The following NPSR1 variants were observed in gnomAD, a reference collection of about 807,000 sequenced individuals.
The protein encoded by NPSR1 is neuropeptide S receptor 1.
NPSR1 carries 48 observed loss-of-function variants against 46.9 expected under a neutral mutation model. The ratio of observed to expected loss-of-function variants is 1.02; its 90% CI spans 0.81 to 1.30. The LOEUF is 1.30. Among genes scored for constraint, NPSR1 ranks in the 50% most tolerant of loss-of-function variants. NPSR1 has a pLI of 0.00. For missense variants in NPSR1, 450 were observed against 449.5 expected, an observed-to-expected ratio of 1.00 and a Z score of -0.01; for synonymous variants, 176 against 168.1, an observed-to-expected ratio of 1.05 and a Z score of -0.36.
chr7:34,778,709 G>A, intron 3 of NPSR1, 144 bp downstream of exon 3: 1 of 536,182 alleles, frequency 1.9e-6, no homozygotes. Context: ...ATGAAAATTT[G>A]ATTTTTAATG....
intron 8 of NPSR1, among the ~76,000 whole-genome samples, chr7:34,874,452 TA>T (rs1412396763): frequency 3.3e-5 from 5 of 151,780 alleles, no homozygotes; most frequent in African/African-American, 7.3e-5. Flanking sequence ...CCGGTTAAAA[TA>T]AAAAAAGGAG....
chr7:34,865,233 C>T (rs186364087), intron 8 of NPSR1, among the ~76,000 whole-genome samples: 4 of 151,956 alleles, frequency 2.6e-5, no homozygotes, highest in South Asian at 2.1e-4. Flanking sequence ...TGCTCAGCTA[C>T]GGAATGTTTG....
intron 3 of NPSR1, among the ~76,000 whole-genome samples, chr7:34,805,594 A>G (rs945705411): frequency 6.6e-6 from 1 of 151,836 alleles, no homozygotes; most frequent in Non-Finnish European, 1.5e-5. Flanking sequence ...AAACGACTAG[A>G]AGATAACATA....
At chr7:34,876,569 C>T (rs1791579782) in intron 8 of NPSR1, among the ~76,000 whole-genome samples, 2 of 152,194 alleles carry the variant, frequency 1.3e-5, no homozygotes, top group African/African-American at 4.8e-5. Context: ...TTCATCTCAA[C>T]ATATTAGAGG....
chr7:34,728,566 C>T (rs1030772577), intron 2 of NPSR1, among the ~76,000 whole-genome samples: 1 of 152,216 alleles, frequency 6.6e-6, no homozygotes, highest in East Asian at 1.9e-4. Context: ...GGAGAAAATT[C>T]TCCCCCTCCT....
At chr7:34,717,799 G>A (rs962585853) in intron 2 of NPSR1, among the ~76,000 whole-genome samples, 1 of 152,174 alleles carries the variant, frequency 6.6e-6, no homozygotes, top group Non-Finnish European at 1.5e-5. Context: ...AATTCAGCAG[G>A]CCTGAGCTCC....
chr7:34,804,030 C>G lies in NPSR1; in HGVS notation c.385-7740C>G, dbSNP rs796712548. On this transcript the variant is annotated intron_variant, in intron 3 of 8. Coordinates refer to ENST00000360581, the MANE Select transcript of NPSR1 (RefSeq NM_207172.2). ...AATAATCTTCCACAAAAGAAAACACCAGGCCCAGATGGGTTCATTAGTGAA... is the reference window on the plus strand; with the variant it reads ...AATAATCTTCCACAAAAGAAAACACGAGGCCCAGATGGGTTCATTAGTGAA... Among the ~76,000 whole-genome samples, 14 of 151,862 alleles carry G rather than the reference C, an allele frequency of 9.2e-5. No homozygotes were observed. The South Asian group carries it at 2.3e-3, about 25-fold the overall frequency.
intron 6 of NPSR1, among the ~76,000 whole-genome samples, chr7:34,835,667 G>A (rs917509716): frequency 5.9e-5 from 9 of 152,136 alleles, no homozygotes; most frequent in Admixed American, 5.9e-4. Flanking sequence ...TATGAGTGGA[G>A]ATACATAAGT....
chr7:34,872,776 C>G (rs1460591185), intron 8 of NPSR1, among the ~76,000 whole-genome samples: 2 of 151,662 alleles, frequency 1.3e-5, no homozygotes, highest in African/African-American at 4.9e-5. Context: ...GGAAATACTT[C>G]CCCCCATGAT....
chr7:34,793,168 C>G (rs898739152), intron 3 of NPSR1, among the ~76,000 whole-genome samples: 3 of 151,688 alleles, frequency 2.0e-5, no homozygotes, highest in African/African-American at 7.3e-5. Context: ...TCTAGGAAAA[C>G]AAAAAGCACA....
chr7:34,736,624 A>G (rs1264168240), intron 2 of NPSR1, among the ~76,000 whole-genome samples: 1 of 152,082 alleles, frequency 6.6e-6, no homozygotes, highest in Non-Finnish European at 1.5e-5. Flanking sequence ...TTTTAGAGAC[A>G]GCATCTCACT....
At chr7:34,795,497 A>G (rs1788133263) in intron 3 of NPSR1, among the ~76,000 whole-genome samples, 1 of 152,144 alleles carries the variant, frequency 6.6e-6, no homozygotes, top group Non-Finnish European at 1.5e-5. Context: ...ATGATTGTCT[A>G]TGCAGACAAT....
chr7:34,845,692 G>A, intron 7 of NPSR1: 1 of 419,486 alleles, frequency 2.4e-6, no homozygotes, highest in Admixed American at 2.8e-5. Context: ...CTTATAGTCT[G>A]TCTCCCCTGT....
At chr7:34,727,018 G>C (rs1784189091) in intron 2 of NPSR1, among the ~76,000 whole-genome samples, 1 of 152,120 alleles carries the variant, frequency 6.6e-6, no homozygotes, top group South Asian at 2.1e-4. Context: ...TGGACTTTGG[G>C]TGATGATGAT....
chr7:34,693,131 G>A (rs919238820), intron 2 of NPSR1, among the ~76,000 whole-genome samples: 21 of 151,806 alleles, frequency 1.4e-4, no homozygotes, highest in Non-Finnish European at 2.1e-4. Flanking sequence ...CTCCCTCTTC[G>A]CTTTGCCTTC....
At chr7:34,792,705 ATATATATATT>A (rs1455329781) in intron 3 of NPSR1, among the ~76,000 whole-genome samples, 2 of 127,978 alleles carry the variant, frequency 1.6e-5, no homozygotes, top group African/African-American at 6.1e-5. Context: ...ATATACGTAT[ATATATATATT>A]TATATATATA....
downstream of NPSR1, among the ~76,000 whole-genome samples, chr7:34,853,787 A>G (rs920533874): frequency 2.0e-5 from 3 of 152,194 alleles, no homozygotes; most frequent in African/African-American, 7.2e-5. Flanking sequence ...CAATATGGTG[A>G]AAACCCGTCT....
At chr7:34,871,054 T>C (rs1791442577) in intron 8 of NPSR1, among the ~76,000 whole-genome samples, 1 of 151,812 alleles carries the variant, frequency 6.6e-6, no homozygotes, top group Non-Finnish European at 1.5e-5. Flanking sequence ...CATTCTTGCA[T>C]TGATATAAAC....
chr7:34,700,658 CT>C (rs1388672921), intron 2 of NPSR1, among the ~76,000 whole-genome samples: 2 of 152,144 alleles, frequency 1.3e-5, no homozygotes, highest in Non-Finnish European at 2.9e-5. Context: ...ACAAACTCAC[CT>C]CTTTGAATTC....
Sources: allele counts gnomAD v4.1 joint callset (sites outside exome capture counted in the v4.1 genomes callset), GRCh38; gene constraint gnomAD v4.1.1; transcripts MANE v1.5; gene names NCBI Gene and HGNC (gene_info 2026-07-23, HGNC 2026-07-21).